Variants in MAGI2 observed in about 807,000 individuals in gnomAD.
The protein encoded by MAGI2 is membrane associated guanylate kinase, WW and PDZ domain containing 2.
MAGI2 carries 35 observed loss-of-function variants against 133.3 expected under a neutral mutation model. The observed-to-expected ratio is 0.26, with a 90% confidence interval of 0.20 to 0.35. The LOEUF is 0.35. MAGI2 is among the 10% of genes least tolerant of loss of function. MAGI2 has a pLI of 1.00. For synonymous variants in MAGI2, 729 were observed against 710.6 expected, an observed-to-expected ratio of 1.03 and a Z score of -0.41; for missense variants, 1,636 against 1,863.4, an observed-to-expected ratio of 0.88 and a Z score of 2.25.
Position 79,237,311 on chromosome 7 carries a change from G to A in MAGI2, c.301+215709C>T, listed in dbSNP as rs537105616. On this transcript the variant is annotated intron_variant, in intron 1 of 21. Coordinates refer to ENST00000354212, the MANE Select transcript of MAGI2 (RefSeq NM_012301.4). ...CGATCAAGACCATCCTGGCTAACAC[G>A]GTGAAACCCCGTCTCTACTAAAAAT... Among the ~76,000 whole-genome samples, 88 of 152,260 alleles carry A rather than the reference G, an allele frequency of 5.8e-4. 2 individuals are homozygous for A. The highest frequency in any genetic ancestry group is 2.0e-3 in the African/African-American group (84 of 41,568).
At chr7:79,064,478 T>C (rs750932270) in intron 1 of MAGI2, among the ~76,000 whole-genome samples, 3 of 152,010 alleles carry the variant, frequency 2.0e-5, no homozygotes, top group Non-Finnish European at 4.4e-5. Flanking sequence ...AGGAAGAAGA[T>C]TAGGTGTTTT....
intron 2 of MAGI2, among the ~76,000 whole-genome samples, chr7:78,919,017 T>A (rs1034431745): frequency 6.6e-6 from 1 of 152,128 alleles, no homozygotes; most frequent in African/African-American, 2.4e-5. Context: ...GCAATAGTTG[T>A]CCCTCTTTTA....
intron 2 of MAGI2, among the ~76,000 whole-genome samples, chr7:78,866,572 A>C (rs896786256): frequency 1.3e-5 from 2 of 151,908 alleles, no homozygotes; most frequent in Non-Finnish European, 2.9e-5. Context: ...TCAATCCCCT[A>C]TGGTCCTGCT....
intron 1 of MAGI2, among the ~76,000 whole-genome samples, chr7:79,035,469 C>A (rs76839076): frequency 0.025 from 3,808 of 152,168 alleles, 150 homozygotes; most frequent in African/African-American, 0.087. Context: ...GACAACACTA[C>A]CCTGTTAGCA....
At chr7:78,132,473 C>T (rs139710309) in intron 18 of MAGI2, among the ~76,000 whole-genome samples, 102 of 152,346 alleles carry the variant, frequency 6.7e-4, no homozygotes, top group African/African-American at 2.3e-3. Context: ...GGGTGGGCCC[C>T]AGCCACCCTC....
rs572280369 is a variant in MAGI2 at position 78,286,659 on chromosome 7, T to A, written c.1409-30078A>T. 9.7e-4 allele frequency among the ~76,000 whole-genome samples: 148 copies of A among 152,058 alleles called. 10 individuals are homozygous for A. In the South Asian group the frequency reaches 0.031, roughly 32 times the overall value. On this transcript the variant is annotated intron_variant, in intron 9 of 21. Coordinates refer to ENST00000354212, the MANE Select transcript of MAGI2 (RefSeq NM_012301.4). ...GCTGAGGTGAAGGGCTGTGGGGGCA[T>A]GTCTGGGGAAGGTACTGGAAAGCTA...
rs544927567 is a variant in MAGI2 at position 78,025,484 on chromosome 7, A to G, written c.3707-5508T>C. Among the ~76,000 whole-genome samples the G allele has an allele frequency of 2.8e-4, 42 of 152,362 alleles. No homozygotes were observed. The South Asian group carries it at 5.6e-3, about 20-fold the overall frequency. On this transcript the variant is annotated intron_variant, in intron 21 of 21. Transcript: ENST00000354212. ...TATCACAGTGTATTTAATAACTAGC[A>G]TAGCCCTCGACACAAAAATAAGTGC...
At chr7:79,377,179 G>C (rs916426601) in intron 1 of MAGI2, among the ~76,000 whole-genome samples, 9 of 151,906 alleles carry the variant, frequency 5.9e-5, no homozygotes, top group East Asian at 1.9e-4. Flanking sequence ...TCTTTGAAAT[G>C]GGAGTTATTT....
At chr7:78,769,290 G>A (rs1047379687) in intron 2 of MAGI2, among the ~76,000 whole-genome samples, 1 of 151,350 alleles carries the variant, frequency 6.6e-6, no homozygotes, top group Admixed American at 6.6e-5. Context: ...CAGCCCTCCC[G>A]AAAGTCCAAA....
At chr7:78,925,494 G>A (rs1215701636) in intron 2 of MAGI2, among the ~76,000 whole-genome samples, 2 of 151,820 alleles carry the variant, frequency 1.3e-5, no homozygotes, top group African/African-American at 4.8e-5. Context: ...TACTAACCTC[G>A]AATCCAATAG....
At chr7:79,078,687 G>A (rs535659563) in intron 1 of MAGI2, among the ~76,000 whole-genome samples, 3 of 152,260 alleles carry the variant, frequency 2.0e-5, no homozygotes, top group Non-Finnish European at 4.4e-5. Context: ...CAGTATCTTG[G>A]TAATTGGAAG....
intron 3 of MAGI2, among the ~76,000 whole-genome samples, chr7:78,525,544 G>A (rs1407249938): frequency 2.6e-5 from 4 of 152,276 alleles, no homozygotes; most frequent in South Asian, 2.1e-4. Context: ...TGGAAAAATT[G>A]TTCCCTAAGG....
chr7:78,267,124 C>T (rs1227614354), intron 9 of MAGI2, among the ~76,000 whole-genome samples: 1 of 152,146 alleles, frequency 6.6e-6, no homozygotes, highest in Non-Finnish European at 1.5e-5. Flanking sequence ...AGCCAGTCAA[C>T]ATGCCTTAAC....
At chr7:78,651,827 C>T (rs1811606518) in intron 2 of MAGI2, among the ~76,000 whole-genome samples, 1 of 151,890 alleles carries the variant, frequency 6.6e-6, no homozygotes, top group African/African-American at 2.4e-5. Context: ...AACATATCCC[C>T]CTGCCTTCTC....
At chr7:79,242,542 A>G (rs975283758) in intron 1 of MAGI2, among the ~76,000 whole-genome samples, 1 of 152,208 alleles carries the variant, frequency 6.6e-6, no homozygotes. Context: ...TACTCTTAGT[A>G]TGCTTTATTT....
intron 1 of MAGI2, among the ~76,000 whole-genome samples, chr7:79,021,720 G>A (rs2116698223): frequency 6.6e-6 from 1 of 152,246 alleles, no homozygotes; most frequent in East Asian, 1.9e-4. Flanking sequence ...TTGGACTTGA[G>A]CTTTTGGGCT....
chr7:78,794,755 GTT>G (rs1787464037), intron 2 of MAGI2, among the ~76,000 whole-genome samples: 1 of 152,040 alleles, frequency 6.6e-6, no homozygotes, highest in Non-Finnish European at 1.5e-5. Flanking sequence ...AATAAAATAA[GTT>G]TTCTGGAAAT....
chr7:79,323,043 GTACATGC>G (rs957675244), intron 1 of MAGI2, among the ~76,000 whole-genome samples: 3 of 152,006 alleles, frequency 2.0e-5, no homozygotes, highest in South Asian at 2.1e-4. Context: ...TCACTATGTT[GTACATGC>G]TAGTCTCAAA....
chr7:78,228,580 T>A (rs924695626), intron 10 of MAGI2, among the ~76,000 whole-genome samples: 1 of 152,216 alleles, frequency 6.6e-6, no homozygotes, highest in African/African-American at 2.4e-5. Context: ...ATGCTTTAAA[T>A]CAGCATTTTA....
Sources: gnomAD v4.1 joint callset for allele counts (sites outside exome capture counted in the v4.1 genomes callset) on GRCh38, gnomAD v4.1.1 for gene constraint, MANE v1.5 for transcripts, NCBI Gene and HGNC (gene_info 2026-07-23, HGNC 2026-07-21) for gene names.